DCAF1: variants seen among roughly 807,000 people sequenced by gnomAD.
The protein encoded by DCAF1 is DDB1 and CUL4 associated factor 1.
A neutral mutation model predicts 128.0 loss-of-function variants in DCAF1; 15 were observed. That is an observed-to-expected ratio of 0.12 (90% CI 0.08 to 0.18). The LOEUF is 0.18. Ranked by LOEUF, DCAF1 falls within the 10% of genes least tolerant of loss-of-function variation. The probability of loss-of-function intolerance (pLI) is 1.00; values close to 1 mark genes in which losing one functional copy is unlikely to be tolerated. For missense variants in DCAF1, 988 were observed against 1,649.5 expected (o/e 0.60, Z 6.95); for synonymous variants, 610 against 603.0 (o/e 1.01, Z -0.17).
chr3:51,478,861 TA>T (rs1388411431), intron 3 of DCAF1, among the ~76,000 whole-genome samples: 2 of 151,960 alleles, frequency 1.3e-5, no homozygotes, highest in Non-Finnish European at 2.9e-5. Context: ...TCCTGTTCCT[TA>T]AAAAAAACTG....
At chr3:51,422,673 T>C (rs1390715571) in intron 13 of DCAF1, among the ~76,000 whole-genome samples, 1 of 152,122 alleles carries the variant, frequency 6.6e-6, no homozygotes, top group African/African-American at 2.4e-5. Context: ...ATAAAAAACA[T>C]AGAATAATCC....
chr3:51,471,469 C>T (rs1553648404), intron 3 of DCAF1, among the ~76,000 whole-genome samples: 1 of 151,960 alleles, frequency 6.6e-6, no homozygotes, highest in Non-Finnish European at 1.5e-5. Flanking sequence ...AGACGTGAGC[C>T]ACCACACCTG....
At chr3:51,429,524 A>C in intron 11 of DCAF1, 54 bp from the exon 12 acceptor site, 1 of 758,996 alleles carries the variant, frequency 1.3e-6, no homozygotes, top group South Asian at 1.4e-5. Context: ...AGAAGAGTTA[A>C]GTAAAAATAT....
intron 12 of DCAF1, among the ~76,000 whole-genome samples, chr3:51,427,835 G>A (rs1456483912): frequency 6.6e-6 from 1 of 152,032 alleles, no homozygotes; most frequent in Non-Finnish European, 1.5e-5. Context: ...GTCTCATTTT[G>A]TTGCCCATGC....
At chr3:51,505,013 G>A (rs1343936571), upstream of DCAF1, among the ~76,000 whole-genome samples, 3 of 152,060 alleles carry the variant, frequency 2.0e-5, no homozygotes, top group African/African-American at 7.2e-5. Context: ...CATAATCCCA[G>A]CACTTTAGGG....
At chr3:51,480,739 G>T (rs576057841) in intron 3 of DCAF1, among the ~76,000 whole-genome samples, 21 of 152,216 alleles carry the variant, frequency 1.4e-4, no homozygotes, top group African/African-American at 5.1e-4. Flanking sequence ...GGGATTACAG[G>T]TGTGAGGCAC....
At chr3:51,443,643 T>C (rs1339773097) in intron 7 of DCAF1, 123 bp downstream of exon 7, 2 of 873,294 alleles carry the variant, frequency 2.3e-6, no homozygotes, top group African/African-American at 3.5e-5. Context: ...AAACTAATAT[T>C]GAAATTATAG....
chr3:51,412,912 A>T (rs543501538), intron 22 of DCAF1, 81 bp downstream of exon 22: 154 of 1,571,014 alleles, frequency 9.8e-5, no homozygotes, highest in Non-Finnish European at 1.3e-4. Flanking sequence ...ATCTTATATC[A>T]GACAAAATGT....
At chr3:51,461,679 T>C (rs1342280421) in intron 6 of DCAF1, among the ~76,000 whole-genome samples, 1 of 152,122 alleles carries the variant, frequency 6.6e-6, no homozygotes, top group Non-Finnish European at 1.5e-5. Context: ...CCAACAACGA[T>C]AGACTGGATT....
chr3:51,476,948 T>C lies in DCAF1; in HGVS notation c.111-5943A>G, dbSNP rs535016022. On this transcript the variant is annotated intron_variant, in intron 3 of 24. Coordinates refer to ENST00000684031, the MANE Select transcript of DCAF1 (RefSeq NM_001387579.1). ...AAAAACACAAAAAATTAGCCGGGCTTGGTGGTGGGCACCTAATCCCAGCTA... is the reference window on the plus strand; with the variant it reads ...AAAAACACAAAAAATTAGCCGGGCTCGGTGGTGGGCACCTAATCCCAGCTA... Among the ~76,000 whole-genome samples the C allele has an allele frequency of 4.7e-5, 7 of 150,482 alleles. No homozygotes were observed. The South Asian group carries it at 1.5e-3, about 32-fold the overall frequency.
At chr3:51,488,052 A>AC (rs1255678901) in intron 2 of DCAF1, among the ~76,000 whole-genome samples, 1 of 151,710 alleles carries the variant, frequency 6.6e-6, no homozygotes, top group Non-Finnish European at 1.5e-5. Flanking sequence ...TTTAGTAGAG[A>AC]CGGGGTTTCA....
intron 11 of DCAF1, 116 bp downstream of exon 11, chr3:51,429,917 T>C (rs1349164092): frequency 3.3e-6 from 2 of 610,446 alleles, no homozygotes; most frequent in Non-Finnish European, 5.9e-6. Flanking sequence ...ACAAAAAGAA[T>C]GGCAGCAAAA....
At chr3:51,471,807 C>T (rs1020419137) in intron 3 of DCAF1, among the ~76,000 whole-genome samples, 3 of 151,824 alleles carry the variant, frequency 2.0e-5, no homozygotes, top group African/African-American at 7.3e-5. Context: ...GTGGAGGTTG[C>T]GGTGAGGCAA....
intron 17 of DCAF1, among the ~76,000 whole-genome samples, chr3:51,417,729 A>T (rs1338986822): frequency 2.0e-5 from 3 of 150,846 alleles, no homozygotes; most frequent in African/African-American, 4.9e-5. Flanking sequence ...CACAAAAAAT[A>T]AAAAAAAGAA....
rs1553641391 is a variant in DCAF1 at position 51,451,066 on chromosome 3, A to ACTCT, written c.376-7164_376-7163insAGAG. ...TAGCAATGAACAATATAAAAAGGAAATTCTTTTTTTTTTTTTTTTTTTTTT... is the reference window on the plus strand; with the variant it reads ...TAGCAATGAACAATATAAAAAGGAAACTCTTTCTTTTTTTTTTTTTTTTTTTTTT... On this transcript the variant is annotated intron_variant, in intron 6 of 24. Transcript: ENST00000684031. 1.6e-3 allele frequency among the ~76,000 whole-genome samples: 52 copies of ACTCT among 32,828 alleles called. 1 individual carries two copies. The highest frequency in any genetic ancestry group is 2.8e-3 in the Non-Finnish European group (41 of 14,742). 21.5% of individuals were successfully genotyped at this position (32,828 alleles called of 152,430 possible).
In DCAF1 at chr3:51,446,999, T is replaced by TAATAATAATAATAATAAA. The variant is rs370193180; in HGVS notation, c.376-3097_376-3096insTTTATTATTATTATTATT. On this transcript the variant is annotated intron_variant, in intron 6 of 24. Coordinates refer to ENST00000684031, the MANE Select transcript of DCAF1 (RefSeq NM_001387579.1). ...ATAATAATAATAATAATAATAATAA[T>TAATAATAATAATAATAAA]AAAATGTTTTAAATATTTTTTAAAA... is the stretch of plus-strand genomic sequence containing the variant. Among the ~76,000 whole-genome samples the TAATAATAATAATAATAAA allele has an allele frequency of 7.0e-3, 1,044 of 148,088 alleles. 18 individuals carry two copies. Among genetic ancestry groups the TAATAATAATAATAATAAA allele is most frequent in the Admixed American group, 0.029 (429 of 14,708 alleles).
At chr3:51,400,242 G>C (rs1553624449) in intron 24 of DCAF1, among the ~76,000 whole-genome samples, 1 of 152,194 alleles carries the variant, frequency 6.6e-6, no homozygotes, top group Non-Finnish European at 1.5e-5. Context: ...CAGCTCCTCT[G>C]CTGTAAGAGC....
intron 17 of DCAF1, among the ~76,000 whole-genome samples, chr3:51,417,125 C>T (rs1314192448): frequency 6.6e-5 from 10 of 152,238 alleles, no homozygotes; most frequent in Admixed American, 2.0e-4. Flanking sequence ...CTTTGAAACA[C>T]GCAGCAAAGG....
At position 51,405,042 on chromosome 3, in the gene DCAF1, G is replaced by A. The variant is rs139422364; in HGVS notation, c.4213-1647C>T. 2.3e-4 allele frequency among the ~76,000 whole-genome samples: 35 copies of A among 152,274 alleles called. No homozygotes were observed. In the East Asian group the frequency reaches 2.9e-3, roughly 13 times the overall value. On this transcript the variant is annotated intron_variant, in intron 23 of 24. Coordinates refer to ENST00000684031, the MANE Select transcript of DCAF1 (RefSeq NM_001387579.1). The stretch of plus-strand genomic sequence containing the variant: ...ACAACTTTTGCCTCTTTTTCCAGGC[G>A]TATTTTCATAGACTTGACCAAAATT...
Sources: gnomAD v4.1 joint callset for allele counts (sites outside exome capture counted in the v4.1 genomes callset) on GRCh38, gnomAD v4.1.1 for gene constraint, MANE v1.5 for transcripts, NCBI Gene and HGNC (gene_info 2026-07-23, HGNC 2026-07-21) for gene names.